STK24: variants seen among roughly 807,000 people sequenced by gnomAD.
STK24 encodes serine/threonine kinase 24, also known as serine/threonine-protein kinase 24.
A neutral mutation model predicts 55.6 loss-of-function variants in STK24; 21 were observed. The observed-to-expected ratio is 0.38, with a 90% confidence interval of 0.27 to 0.54. The LOEUF (loss-of-function observed/expected upper bound fraction) is 0.54, where lower values mean the gene tolerates loss of function less well. Ranked by LOEUF, STK24 falls within the 20% of genes least tolerant of loss-of-function variation. STK24 has a pLI of 0.79. For synonymous variants in STK24, 200 were observed against 215.2 expected (o/e 0.93, Z 0.62); for missense variants, 383 against 538.4 (o/e 0.71, Z 2.86).
chr13:98,558,670 C>T (rs1897336116), intron 1 of STK24, among the ~76,000 whole-genome samples: 1 of 152,176 alleles, frequency 6.6e-6, no homozygotes, highest in Non-Finnish European at 1.5e-5. Flanking sequence ...TCTAGCCTAG[C>T]CTCACAACTT....
chr13:98,547,079 T>C (rs1367136273), intron 1 of STK24, among the ~76,000 whole-genome samples: 1 of 151,884 alleles, frequency 6.6e-6, no homozygotes, highest in Non-Finnish European at 1.5e-5. Flanking sequence ...ACTCAGCTAA[T>C]TTTTTTGTAT....
At chr13:98,478,117 G>A (rs1222273728) in intron 3 of STK24, among the ~76,000 whole-genome samples, 1 of 152,202 alleles carries the variant, frequency 6.6e-6, no homozygotes, top group African/African-American at 2.4e-5. Context: ...AGTGCCTCAT[G>A]AGCAGCTCGG....
chr13:98,547,014 C>A (rs1459511356), intron 1 of STK24, among the ~76,000 whole-genome samples: 1 of 152,178 alleles, frequency 6.6e-6, no homozygotes. Flanking sequence ...CAGGTTCAAG[C>A]AATTCTCCTG....
intron 1 of STK24, among the ~76,000 whole-genome samples, chr13:98,534,820 AT>A (rs1419192651): frequency 1.3e-5 from 2 of 152,184 alleles, no homozygotes; most frequent in Non-Finnish European, 2.9e-5. Flanking sequence ...TACCCACCAA[AT>A]TATCCTTAAA....
chr13:98,567,824 C>T (rs1246717777), intron 1 of STK24, among the ~76,000 whole-genome samples: 1 of 150,698 alleles, frequency 6.6e-6, no homozygotes, highest in Non-Finnish European at 1.5e-5. Context: ...CTAATTGGGT[C>T]AATCCTGAAA....
intron 1 of STK24, among the ~76,000 whole-genome samples, chr13:98,560,651 G>A (rs1897394072): frequency 6.6e-6 from 1 of 152,132 alleles, no homozygotes; most frequent in African/African-American, 2.4e-5. Context: ...AGCCGACGTG[G>A]GTGGATCATT....
intron 1 of STK24, among the ~76,000 whole-genome samples, chr13:98,528,214 T>C (rs1009311884): frequency 1.3e-5 from 2 of 151,934 alleles, no homozygotes; most frequent in African/African-American, 4.8e-5. Context: ...GACCTGGGGG[T>C]TTGCCTGGCC....
intron 2 of STK24, among the ~76,000 whole-genome samples, chr13:98,504,657 C>T (rs1367103732): frequency 6.6e-6 from 1 of 152,216 alleles, no homozygotes; most frequent in African/African-American, 2.4e-5. Context: ...ACTATCTACA[C>T]AGCACTATCT....
chr13:98,518,011 G>A (rs1172163735), intron 2 of STK24, among the ~76,000 whole-genome samples: 3 of 152,148 alleles, frequency 2.0e-5, no homozygotes, highest in Non-Finnish European at 4.4e-5. Flanking sequence ...ATGAGAAAGT[G>A]GAGAAGTTAT....
intron 5 of STK24, among the ~76,000 whole-genome samples, chr13:98,471,692 G>C (rs1894152057): frequency 6.6e-6 from 1 of 152,224 alleles, no homozygotes; most frequent in African/African-American, 2.4e-5. Context: ...GCTACTGCCA[G>C]AGGTGACAAT....
At chr13:98,540,221 T>A (rs1024591617) in intron 1 of STK24, among the ~76,000 whole-genome samples, 68 of 152,144 alleles carry the variant, frequency 4.5e-4, no homozygotes, top group Non-Finnish European at 2.2e-4. Context: ...GGAACAGAGA[T>A]CACCTGTGAA....
intron 7 of STK24, among the ~76,000 whole-genome samples, chr13:98,462,629 C>A (rs575977187): frequency 6.6e-6 from 1 of 152,164 alleles, no homozygotes; most frequent in Non-Finnish European, 1.5e-5. Context: ...CCAACTGACA[C>A]CCTTTTTTCT....
At chr13:98,498,097 A>G (rs1895316346) in intron 2 of STK24, among the ~76,000 whole-genome samples, 1 of 152,190 alleles carries the variant, frequency 6.6e-6, no homozygotes, top group Admixed American at 6.5e-5. Context: ...TTAAGATGCT[A>G]ATGATGTTGT....
Position 98,446,792 on chromosome 13 carries a change from G to A in STK24, c.*6381C>T. ...CAAGTCCCACGTCTACTACTTCAGG[G>A]CGGAAAGCGAGTACACGTTCGAAAG... On this transcript the variant is annotated 3_prime_UTR_variant, in exon 11 of 11. Transcript: ENST00000539966. 6.2e-7 allele frequency: 1 copy of A among 1,614,130 alleles called. No homozygotes were observed. Among genetic ancestry groups the A allele is most frequent in the South Asian group, 1.1e-5 (1 of 91,080 alleles).
At chr13:98,513,592 T>A (rs1895958178) in intron 2 of STK24, among the ~76,000 whole-genome samples, 1 of 152,134 alleles carries the variant, frequency 6.6e-6, no homozygotes, top group South Asian at 2.1e-4. Context: ...TCTGTTAAGA[T>A]CACAGAAGCC....
At chr13:98,520,961 T>C (rs1319527969) in intron 1 of STK24, among the ~76,000 whole-genome samples, 1 of 152,168 alleles carries the variant, frequency 6.6e-6, no homozygotes, top group Admixed American at 6.5e-5. Flanking sequence ...ACCATCTTAG[T>C]ACAAAATGAA....
chr13:98,567,207 C>T (rs191995715), intron 1 of STK24, among the ~76,000 whole-genome samples: 3 of 152,372 alleles, frequency 2.0e-5, no homozygotes, highest in East Asian at 1.9e-4. Context: ...GTGCCCCCAG[C>T]GCGCAGACAC....
chr13:98,506,778 G>T (rs534438166), intron 2 of STK24, among the ~76,000 whole-genome samples: 5 of 152,366 alleles, frequency 3.3e-5, no homozygotes, highest in African/African-American at 1.2e-4. Flanking sequence ...TGTTAGGCAA[G>T]AATTTCTCCT....
chr13:98,535,356 A>G (rs1896688528), intron 1 of STK24, among the ~76,000 whole-genome samples: 1 of 41,496 alleles, frequency 2.4e-5, no homozygotes, highest in South Asian at 6.8e-4. Flanking sequence ...AAACAAACAA[A>G]CAAACAAAAA....
Sources: gnomAD v4.1 joint callset for allele counts (sites outside exome capture counted in the v4.1 genomes callset) on GRCh38, gnomAD v4.1.1 for gene constraint, MANE v1.5 for transcripts, NCBI Gene and HGNC (gene_info 2026-07-23, HGNC 2026-07-21) for gene names.